The following ASIC2 variants were observed in gnomAD, a reference collection of about 807,000 sequenced individuals.
ASIC2 encodes the protein acid sensing ion channel subunit 2.
ASIC2 carries 25 observed loss-of-function variants against 57.3 expected under a neutral mutation model. The observed-to-expected ratio is 0.44, with a 90% CI of 0.32 to 0.61. ASIC2 has a LOEUF of 0.61. ASIC2 is among the 20% of genes least tolerant of loss of function. ASIC2 has a pLI of 0.06. For missense variants in ASIC2, 641 were observed against 738.1 expected (o/e 0.87, Z 1.52); for synonymous variants, 319 against 307.5 (o/e 1.04, Z -0.39).
intron 1 of ASIC2, among the ~76,000 whole-genome samples, chr17:34,136,403 T>C (rs1447858144): frequency 6.6e-6 from 1 of 152,250 alleles, no homozygotes; most frequent in Non-Finnish European, 1.5e-5. Flanking sequence ...AGACATTTAC[T>C]ATCCATTATC....
chr17:33,688,428 T>C (rs1908262604), intron 1 of ASIC2, among the ~76,000 whole-genome samples: 1 of 152,164 alleles, frequency 6.6e-6, no homozygotes, highest in African/African-American at 2.4e-5. Context: ...AGAATGAATG[T>C]TAACTTAACA....
chr17:33,059,798 T>G (rs1370879164), intron 3 of ASIC2, among the ~76,000 whole-genome samples: 2 of 152,222 alleles, frequency 1.3e-5, no homozygotes, highest in Non-Finnish European at 2.9e-5. Flanking sequence ...TGTTCCTATT[T>G]CTCCACATCC....
At chr17:33,946,605 C>G (rs943393322) in intron 1 of ASIC2, among the ~76,000 whole-genome samples, 4 of 152,152 alleles carry the variant, frequency 2.6e-5, no homozygotes, top group African/African-American at 9.7e-5. Flanking sequence ...TCACTGCCTT[C>G]TAGGACTCAT....
At chr17:33,315,876 C>T (rs1906624229) in intron 1 of ASIC2, among the ~76,000 whole-genome samples, 1 of 152,202 alleles carries the variant, frequency 6.6e-6, no homozygotes, top group Non-Finnish European at 1.5e-5. Flanking sequence ...GACTTGGGTT[C>T]AAATCCTGGT....
At chr17:33,378,681 G>GCC (rs1909368423) in intron 1 of ASIC2, among the ~76,000 whole-genome samples, 1 of 152,240 alleles carries the variant, frequency 6.6e-6, no homozygotes, top group South Asian at 2.1e-4. Context: ...GATTGGAAAT[G>GCC]AACTGGCAGG....
At chr17:34,012,349 C>T (rs1201421304) in intron 1 of ASIC2, among the ~76,000 whole-genome samples, 8 of 152,192 alleles carry the variant, frequency 5.3e-5, no homozygotes, top group Admixed American at 3.3e-4. Flanking sequence ...CTCCACTAAA[C>T]GTCTCAGCCT....
chr17:33,862,855 T>G (rs1473493829), intron 1 of ASIC2, among the ~76,000 whole-genome samples: 2 of 152,184 alleles, frequency 1.3e-5, no homozygotes, highest in African/African-American at 4.8e-5. Context: ...AGATGGTCAG[T>G]TTCTTGACCA....
At chr17:33,279,944 T>C (rs1264724255) in intron 1 of ASIC2, among the ~76,000 whole-genome samples, 1 of 152,166 alleles carries the variant, frequency 6.6e-6, no homozygotes, top group African/African-American at 2.4e-5. Context: ...GTAGCCTTCC[T>C]TTATCCCTCT....
intron 1 of ASIC2, among the ~76,000 whole-genome samples, chr17:33,705,489 T>C (rs1203402419): frequency 2.0e-5 from 3 of 152,162 alleles, no homozygotes; most frequent in African/African-American, 7.2e-5. Context: ...TTCTGAATTA[T>C]TCAGGTGGGC....
chr17:33,843,792 C>T (rs2141910212), intron 1 of ASIC2, among the ~76,000 whole-genome samples: 1 of 152,322 alleles, frequency 6.6e-6, no homozygotes, highest in Admixed American at 6.5e-5. Context: ...TCTTATCATG[C>T]ATTCAAAAGT....
At position 33,527,752 on chromosome 17, in the gene ASIC2, C is replaced by G. The variant is rs142318645; in HGVS notation, c.556-415685G>C. On this transcript the variant is annotated intron_variant, in intron 1 of 9. Transcript: ENST00000359872. ...CCTAAAATGAAGTACATCTGTTAAT[C>G]AGGGTACAGAGAGGCTGTGTGGTGA... is the stretch of plus-strand genomic sequence containing the variant. Among the ~76,000 whole-genome samples, 5 of 152,108 alleles carry G rather than the reference C, an allele frequency of 3.3e-5. No homozygotes were observed. In the East Asian group the frequency reaches 9.7e-4, roughly 30 times the overall value.
At chr17:34,109,050 T>TTTTTTA (rs1394273982) in intron 1 of ASIC2, among the ~76,000 whole-genome samples, 1 of 2,496 alleles carries the variant, frequency 4.0e-4, no homozygotes, top group African/African-American at 9.3e-3. Flanking sequence ...TTTTATTTTA[T>TTTTTTA]TTTTATTTTA....
chr17:33,581,632 T>C (rs954850471), intron 1 of ASIC2, among the ~76,000 whole-genome samples: 23 of 152,300 alleles, frequency 1.5e-4, no homozygotes, highest in African/African-American at 5.5e-4. Context: ...AAGGGCCCAG[T>C]TGCAAAGTTT....
intron 1 of ASIC2, among the ~76,000 whole-genome samples, chr17:33,238,580 C>A (rs1908383794): frequency 6.6e-6 from 1 of 152,208 alleles, no homozygotes; most frequent in Non-Finnish European, 1.5e-5. Flanking sequence ...CCATCTCCTG[C>A]CCTGTCAGCT....
intron 1 of ASIC2, among the ~76,000 whole-genome samples, chr17:33,857,009 A>G (rs1913974997): frequency 1.3e-5 from 2 of 152,076 alleles, no homozygotes; most frequent in Non-Finnish European, 2.9e-5. Context: ...TAAGGAGGAT[A>G]GATGGAGCTT....
intron 1 of ASIC2, among the ~76,000 whole-genome samples, chr17:33,579,352 T>C (rs546707648): frequency 1.3e-5 from 2 of 150,358 alleles, no homozygotes; most frequent in South Asian, 4.2e-4. Context: ...TGGAACACGA[T>C]GTGGCTTGGT....
chr17:33,329,757 C>T (rs942090344), intron 1 of ASIC2, among the ~76,000 whole-genome samples: 7 of 151,956 alleles, frequency 4.6e-5, no homozygotes, highest in Non-Finnish European at 5.9e-5. Context: ...TTTTCCTTCG[C>T]CTTCACAAGG....
intron 1 of ASIC2, among the ~76,000 whole-genome samples, chr17:33,253,693 A>G (rs2142135358): frequency 6.6e-6 from 1 of 152,294 alleles, no homozygotes; most frequent in African/African-American, 2.4e-5. Context: ...AACTCCTGAG[A>G]CTGGTTTTCA....
chr17:34,033,239 C>A lies in ASIC2; in HGVS notation c.555+122739G>T, dbSNP rs560448252. Among the ~76,000 whole-genome samples, 4 of 152,294 alleles carry A rather than the reference C, an allele frequency of 2.6e-5. No homozygotes were observed. The East Asian group carries it at 7.7e-4, about 29-fold the overall frequency. ...TCAAAACCACTCAACTACATGGAAA[C>A]TGAACAACCTTCTCCTGAATGACTA... On this transcript the variant is annotated intron_variant, in intron 1 of 9. Coordinates refer to the ASIC2 transcript ENST00000359872.
Sources: gnomAD v4.1 joint callset for allele counts (sites outside exome capture counted in the v4.1 genomes callset) on GRCh38, gnomAD v4.1.1 for gene constraint, MANE v1.5 for transcripts, NCBI Gene and HGNC (gene_info 2026-07-23, HGNC 2026-07-21) for gene names.